Variants in CAMSAP2 observed in about 807,000 individuals in gnomAD.
CAMSAP2 encodes the protein calmodulin regulated spectrin associated protein family member 2, also known as calmodulin-regulated spectrin-associated protein 2.
Under a neutral mutation model 146.1 loss-of-function variants are expected in CAMSAP2, and 26 were observed. The ratio of observed to expected loss-of-function variants is 0.18; its 90% CI spans 0.13 to 0.25. The LOEUF is 0.25. Among genes scored for constraint, CAMSAP2 ranks in the 10% least tolerant of loss-of-function variants. The pLI is 1.00. For missense variants in CAMSAP2, 1,381 were observed against 1,759.3 expected, an observed-to-expected ratio of 0.78 and a Z score of 3.85; for synonymous variants, 499 against 596.6, an observed-to-expected ratio of 0.84 and a Z score of 2.38.
Position 200,857,663 on chromosome 1 carries a change from A to G in CAMSAP2, c.4132-91A>G. ...TGAAATAATGTTATAAAATGTGACTAAGAAACGTAACATAATTATATAAAC... is the reference window on the plus strand; with the variant it reads ...TGAAATAATGTTATAAAATGTGACTGAGAAACGTAACATAATTATATAAAC... On this transcript the variant is annotated intron_variant, in intron 16 of 16. Coordinates refer to ENST00000358823, the MANE Select transcript of CAMSAP2 (RefSeq NM_203459.4). The surrounding 1 kb of genome is among the most constrained non-coding windows in gnomAD (Gnocchi z 4.7). 8.7e-7 allele frequency: 1 copy of G among 1,144,238 alleles called. No homozygotes were observed. The highest frequency in any genetic ancestry group is 2.4e-5 in the East Asian group (1 of 40,872). 70.9% of individuals were successfully genotyped at this position (1,144,238 alleles called of 1,614,324 possible).
At chr1:200,793,160 CTT>C (rs1665799338) in intron 2 of CAMSAP2, among the ~76,000 whole-genome samples, 1 of 150,196 alleles carries the variant, frequency 6.7e-6, no homozygotes, top group Non-Finnish European at 1.5e-5. Context: ...AGCAGTTTGA[CTT>C]TATAACATTT....
intron 2 of CAMSAP2, among the ~76,000 whole-genome samples, chr1:200,775,230 C>G (rs1157532420): frequency 6.6e-6 from 1 of 152,130 alleles, no homozygotes; most frequent in East Asian, 1.9e-4. Flanking sequence ...AGTAAGCTTA[C>G]TGGCTCTGAT....
At chr1:200,750,293 G>A (rs2102990767) in intron 1 of CAMSAP2, among the ~76,000 whole-genome samples, 1 of 152,150 alleles carries the variant, frequency 6.6e-6, no homozygotes, top group Admixed American at 6.5e-5. Context: ...GAAGGAGAGG[G>A]AGGCATTAAC....
chr1:200,816,935 CGTGTGTATGTGTGTACACACACACGCGT>C lies in CAMSAP2; in HGVS notation c.645+1296_645+1323del, dbSNP rs1307554256. Among the ~76,000 whole-genome samples the C allele has an allele frequency of 8.7e-5, 6 of 69,102 alleles. 2 individuals carry two copies. Among genetic ancestry groups the C allele is most frequent in the African/African-American group, 1.3e-4 (2 of 15,356 alleles). 45.3% of individuals were successfully genotyped at this position (69,102 alleles called of 152,430 possible). A position where few individuals can be genotyped will look rare whatever the true frequency, so the allele number is the denominator to read the frequency against. On this transcript the variant is annotated intron_variant, in intron 4 of 16. Coordinates refer to ENST00000358823, the MANE Select transcript of CAMSAP2 (RefSeq NM_203459.4). ...GTGTGTATGTGTGTACACACACACG[CGTGTGTATGTGTGTACACACACACGCGT>C]GTGTATGTGTATATATCTACACATA...
intron 7 of CAMSAP2, among the ~76,000 whole-genome samples, chr1:200,843,229 C>A (rs895691758): frequency 2.6e-5 from 4 of 151,942 alleles, no homozygotes; most frequent in Admixed American, 2.6e-4. Flanking sequence ...CCCCGCTAAA[C>A]CCCCAAAAAA....
Position 200,857,441 on chromosome 1 carries a change from G to C in CAMSAP2, c.4131+17G>C. 1.9e-6 allele frequency: 3 copies of C among 1,555,650 alleles called. No individual in the cohort carries two copies. The highest frequency in any genetic ancestry group is 2.7e-6 in the Non-Finnish European group (3 of 1,127,460). On this transcript the variant is annotated intron_variant, in intron 16 of 16. Transcript: ENST00000358823. This position sits in a 1 kb window ranked among gnomAD's most constrained non-coding sequence, Gnocchi z 4.7. ...ATACTGGAGGTAAGCATGTTTGCATGAAAATTAAATTTGGCAAACTGTAGA... is the reference window on the plus strand; with the variant it reads ...ATACTGGAGGTAAGCATGTTTGCATCAAAATTAAATTTGGCAAACTGTAGA...
intron 3 of CAMSAP2, among the ~76,000 whole-genome samples, chr1:200,811,651 G>C (rs1666334634): frequency 6.6e-6 from 1 of 152,164 alleles, no homozygotes; most frequent in Non-Finnish European, 1.5e-5. Flanking sequence ...TCTCTGCGGG[G>C]ATTAGTGTGA....
intron 2 of CAMSAP2, among the ~76,000 whole-genome samples, chr1:200,785,765 G>T (rs1665572713): frequency 6.6e-6 from 1 of 151,876 alleles, no homozygotes; most frequent in Non-Finnish European, 1.5e-5. Flanking sequence ...TTGGCTCACT[G>T]CAACCTCTGC....
At chr1:200,806,764 T>G (rs1666184079) in intron 2 of CAMSAP2, among the ~76,000 whole-genome samples, 2 of 119,240 alleles carry the variant, frequency 1.7e-5, no homozygotes, top group South Asian at 5.5e-4. Context: ...TGTGTGTGTG[T>G]GTATCTATCT....
At chr1:200,797,583 A>G (rs1665920745) in intron 2 of CAMSAP2, among the ~76,000 whole-genome samples, 1 of 83,218 alleles carries the variant, frequency 1.2e-5, no homozygotes, top group Admixed American at 1.5e-4. Flanking sequence ...CCTTTGTCAG[A>G]TGAGTAGGTT....
intron 15 of CAMSAP2, among the ~76,000 whole-genome samples, chr1:200,856,547 A>T (rs1667757189): frequency 6.6e-6 from 1 of 152,212 alleles, no homozygotes; most frequent in Non-Finnish European, 1.5e-5. Context: ...ACATATCGCC[A>T]CCAAGTCCTC....
intron 4 of CAMSAP2, among the ~76,000 whole-genome samples, chr1:200,816,298 A>T (rs577719995): frequency 8.2e-4 from 122 of 149,220 alleles, no homozygotes; most frequent in South Asian, 3.2e-3. Context: ...AAACAAAAAA[A>T]ATATATATAT....
intron 14 of CAMSAP2, among the ~76,000 whole-genome samples, chr1:200,855,487 C>T (rs1349314841): frequency 1.3e-5 from 2 of 152,156 alleles, no homozygotes; most frequent in Non-Finnish European, 2.9e-5. Context: ...CCAGTTTTCA[C>T]ATTGAAAAAC....
At chr1:200,771,698 T>G (rs1435284176) in intron 2 of CAMSAP2, among the ~76,000 whole-genome samples, 1 of 152,186 alleles carries the variant, frequency 6.6e-6, no homozygotes, top group African/African-American at 2.4e-5. Context: ...ATGGGCTGAC[T>G]AGATTGTTTT....
intron 1 of CAMSAP2, among the ~76,000 whole-genome samples, chr1:200,742,565 G>A (rs1314598786): frequency 6.6e-5 from 10 of 152,172 alleles, no homozygotes; most frequent in Middle Eastern, 6.8e-3. Flanking sequence ...ATTTGCTGCA[G>A]ATACACTTAT....
chr1:200,848,219 G>A lies in CAMSAP2; in HGVS notation c.1450G>A (p.Glu484Lys). Residue 484 changes from glutamate (E) to lysine (K), a missense_variant, in exon 11 of 17, where the codon GAG becomes AAG. By Grantham distance (56) the Glu-to-Lys change is moderately conservative (BLOSUM62 1). Transcript: ENST00000358823. ...GCCAATAAATGGAGAAGAGGAAGCA[G>A]AGAGCATTGAAGAAGAACTTAATAT... Reference protein sequence around the residue: ...FKPINGEEEAESIEEELNIDS... With the variant: ...FKPINGEEEAKSIEEELNIDS... 1 of 1,613,894 alleles carries A rather than the reference G, an allele frequency of 6.2e-7. No individual in the cohort carries two copies.
intron 1 of CAMSAP2, among the ~76,000 whole-genome samples, chr1:200,746,560 A>G (rs1664330601): frequency 6.6e-6 from 1 of 152,002 alleles, no homozygotes. Flanking sequence ...GACTTCAGGG[A>G]TGAGAGCTAT....
intron 4 of CAMSAP2, among the ~76,000 whole-genome samples, chr1:200,816,751 T>TAC (rs1491470170): frequency 2.5e-5 from 3 of 120,200 alleles, no homozygotes; most frequent in African/African-American, 9.5e-5. Flanking sequence ...CACACGCGTG[T>TAC]ATATATGTGT....
At chr1:200,798,064 G>A (rs1665934588) in intron 2 of CAMSAP2, among the ~76,000 whole-genome samples, 1 of 149,764 alleles carries the variant, frequency 6.7e-6, no homozygotes, top group Non-Finnish European at 1.5e-5. Flanking sequence ...ATGCTGTTTT[G>A]GTTACTGTAG....
Sources: allele counts gnomAD v4.1 joint callset (sites outside exome capture counted in the v4.1 genomes callset), GRCh38; gene constraint gnomAD v4.1.1; non-coding constraint Gnocchi (gnomAD v3.1); transcripts MANE v1.5; gene names NCBI Gene and HGNC (gene_info 2026-07-23, HGNC 2026-07-21).